DENND1B: variants seen among roughly 807,000 people sequenced by gnomAD.
DENND1B encodes DENN domain containing 1B.
Under a neutral mutation model 90.1 loss-of-function variants are expected in DENND1B, and 59 were observed. That is an observed-to-expected ratio of 0.65 (90% CI 0.53 to 0.81). The LOEUF (loss-of-function observed/expected upper bound fraction) is 0.81, where lower values mean the gene tolerates loss of function less well. Among genes scored for constraint, DENND1B ranks in the 40% least tolerant of loss-of-function variants. DENND1B has a pLI of 0.00. For missense variants in DENND1B, 862 were observed against 912.6 expected, an observed-to-expected ratio of 0.94 and a Z score of 0.71; for synonymous variants, 337 against 324.6, an observed-to-expected ratio of 1.04 and a Z score of -0.41.
chr1:197,780,283 C>T (rs1657393841), upstream of DENND1B, among the ~76,000 whole-genome samples: 1 of 151,682 alleles, frequency 6.6e-6, no homozygotes, highest in Admixed American at 6.6e-5. Context: ...CCAGTTCATC[C>T]AGCTTAGGAA....
At chr1:197,559,804 C>A (rs543546402) in intron 15 of DENND1B, among the ~76,000 whole-genome samples, 1 of 151,822 alleles carries the variant, frequency 6.6e-6, no homozygotes, top group Non-Finnish European at 1.5e-5. Flanking sequence ...TGAAGTGTTA[C>A]AATAAATTAC....
At chr1:197,611,734 T>C (rs985622221) in intron 12 of DENND1B, among the ~76,000 whole-genome samples, 197 bp downstream of exon 12, 6 of 150,808 alleles carry the variant, frequency 4.0e-5, no homozygotes, top group African/African-American at 7.3e-5. Flanking sequence ...TTTCATGCCA[T>C]AAAAAATGGT....
chr1:197,568,897 G>A (rs1397418351), intron 15 of DENND1B, among the ~76,000 whole-genome samples: 1 of 152,068 alleles, frequency 6.6e-6, no homozygotes, highest in Non-Finnish European at 1.5e-5. Context: ...ACACTGGTCT[G>A]AGCAAAGATT....
At chr1:197,586,191 A>T (rs1674676967) in intron 14 of DENND1B, among the ~76,000 whole-genome samples, 1 of 152,182 alleles carries the variant, frequency 6.6e-6, no homozygotes, top group South Asian at 2.1e-4. Context: ...GGTTGGCAAT[A>T]TTGCAATAGA....
intron 20 of DENND1B, among the ~76,000 whole-genome samples, chr1:197,539,738 T>A (rs1244155829): frequency 6.6e-6 from 1 of 152,168 alleles, no homozygotes; most frequent in Non-Finnish European, 1.5e-5. Context: ...GACTATGAGA[T>A]CTATGAGGGC....
chr1:197,652,271 TG>T lies in DENND1B; in HGVS notation c.410del (p.Pro137GlnfsTer9). The T allele has an allele frequency of 6.2e-7, 1 of 1,612,170 alleles. No homozygotes were observed. The highest frequency in any genetic ancestry group is 1.3e-5 in the African/African-American group (1 of 74,882). On this transcript the variant is annotated frameshift_variant, in exon 7 of 23. Coordinates refer to ENST00000620048, the MANE Select transcript of DENND1B (RefSeq NM_001195215.2). LOFTEE classifies it high-confidence loss of function. ...TTACAGGAGTATTTGCCTTTGGTACTGGGTGGTTATACAGTGATCTGAGAGT... is the reference window on the plus strand; with the variant it reads ...TTACAGGAGTATTTGCCTTTGGTACTGGTGGTTATACAGTGATCTGAGAGT... ...NETLRSLYNHPVPKANTPVNL... is the reference protein window; with the variant it reads ...NETLRSLYNHXVPKANTPVNL...
In DENND1B at chr1:197,546,436, T is replaced by C. The variant is rs188300554; in HGVS notation, c.1281+297A>G. 2.0e-3 allele frequency among the ~76,000 whole-genome samples: 311 copies of C among 152,266 alleles called. 1 individual carries two copies. The highest frequency in any genetic ancestry group is 7.3e-3 in the African/African-American group (304 of 41,570). ...AATTATAAAATTGCCATCAAATCCT[T>C]CTACCCCACCTAATTTCTTCTTCTG... On this transcript the variant is annotated intron_variant, in intron 17 of 22. Transcript: ENST00000620048.
chr1:197,629,369 C>A (rs941800512), intron 10 of DENND1B, among the ~76,000 whole-genome samples: 18 of 151,998 alleles, frequency 1.2e-4, no homozygotes, highest in Admixed American at 9.2e-4. Context: ...GAGTTCATGT[C>A]CTTTGTAGGG....
At chr1:197,763,556 T>G (rs958818239) in intron 2 of DENND1B, among the ~76,000 whole-genome samples, 7 of 152,246 alleles carry the variant, frequency 4.6e-5, no homozygotes, top group Admixed American at 3.9e-4. Flanking sequence ...CAAGTTACAC[T>G]GTAGCAGAGA....
Position 197,759,799 on chromosome 1 carries a change from C to A in DENND1B, c.82+13069G>T, listed in dbSNP as rs542741762. On this transcript the variant is annotated intron_variant, in intron 2 of 22. Transcript: ENST00000620048. ...GGAGGAAGATACCTCTTAGAGAGCA[C>A]CAGCTTATTCATCTCTTCCCCATAA... Among the ~76,000 whole-genome samples, 12 of 148,628 alleles carry A rather than the reference C, an allele frequency of 8.1e-5. No homozygotes were observed. The South Asian group carries it at 2.4e-3, about 29-fold the overall frequency.
At chr1:197,618,571 CT>C (rs1322968114) in intron 10 of DENND1B, among the ~76,000 whole-genome samples, 9 of 151,198 alleles carry the variant, frequency 6.0e-5, no homozygotes, top group African/African-American at 2.2e-4. Context: ...AAGGATATCA[CT>C]TTTTTCTCCC....
At chr1:197,647,627 T>C (rs1680844998) in intron 7 of DENND1B, among the ~76,000 whole-genome samples, 1 of 152,132 alleles carries the variant, frequency 6.6e-6, no homozygotes, top group Non-Finnish European at 1.5e-5. Flanking sequence ...TAAACAAACA[T>C]TAACAGCTGA....
intron 10 of DENND1B, among the ~76,000 whole-genome samples, chr1:197,632,645 T>G (rs977381608): frequency 6.6e-6 from 1 of 152,186 alleles, no homozygotes; most frequent in Non-Finnish European, 1.5e-5. Flanking sequence ...ATATACCTTA[T>G]CTTTGGAAAC....
At chr1:197,716,207 G>A (rs1660630670) in intron 2 of DENND1B, among the ~76,000 whole-genome samples, 1 of 151,632 alleles carries the variant, frequency 6.6e-6, no homozygotes, top group South Asian at 2.1e-4. Context: ...TTTTTAGCAT[G>A]AGCTGGCTCC....
intron 15 of DENND1B, among the ~76,000 whole-genome samples, chr1:197,573,564 CA>C (rs765694613): frequency 1.3e-5 from 2 of 152,052 alleles, no homozygotes; most frequent in Admixed American, 6.5e-5. Context: ...CTATTACAAT[CA>C]ATAGAAAAAG....
chr1:197,713,802 T>TATAATATATTATATATAATATATTATA (rs1294435097), intron 3 of DENND1B, among the ~76,000 whole-genome samples: 16 of 24,794 alleles, frequency 6.5e-4, no homozygotes, highest in Admixed American at 3.3e-3. Flanking sequence ...ATTATTATAT[T>TATAATATATTATATATAATATATTATA]ATAATATATT....
chr1:197,633,993 G>C (rs1346735691), intron 10 of DENND1B, among the ~76,000 whole-genome samples: 1 of 152,086 alleles, frequency 6.6e-6, no homozygotes, highest in African/African-American at 2.4e-5. Flanking sequence ...ATTTCTCTGA[G>C]GGCAGCTTTC....
chr1:197,528,261 CAT>C (rs1321010539), intron 20 of DENND1B, among the ~76,000 whole-genome samples: 48 of 152,118 alleles, frequency 3.2e-4, no homozygotes, highest in African/African-American at 1.1e-3. Flanking sequence ...AAGATGCTAA[CAT>C]ATTGAGATTT....
chr1:197,578,679 C>T (rs916203962), intron 15 of DENND1B, among the ~76,000 whole-genome samples: 3 of 152,124 alleles, frequency 2.0e-5, no homozygotes, highest in Admixed American at 1.3e-4. Flanking sequence ...TAAACACACA[C>T]TATTGTCAAT....
Sources: allele counts gnomAD v4.1 joint callset (sites outside exome capture counted in the v4.1 genomes callset), GRCh38; gene constraint gnomAD v4.1.1; transcripts MANE v1.5; gene names NCBI Gene and HGNC (gene_info 2026-07-23, HGNC 2026-07-21).